The following CAMKK2 variants were observed in gnomAD, a reference collection of about 807,000 sequenced individuals.
CAMKK2 encodes the protein calcium/calmodulin-dependent protein kinase kinase 2.
Under a neutral mutation model 67.2 loss-of-function variants are expected in CAMKK2, and 30 were observed. The observed-to-expected ratio is 0.45, with a 90% CI of 0.33 to 0.61. The LOEUF is 0.61. Among genes scored for constraint, CAMKK2 ranks in the 20% least tolerant of loss-of-function variants. The pLI is 0.02. For synonymous variants in CAMKK2, 322 were observed against 326.2 expected (o/e 0.99, Z 0.14); for missense variants, 643 against 802.0 (o/e 0.80, Z 2.39).
At position 121,274,462 on chromosome 12, in the gene CAMKK2, C is replaced by A; in HGVS notation, c.65G>T (p.Gly22Val). 1 of 1,612,838 alleles carries A rather than the reference C, an allele frequency of 6.2e-7. No individual in the cohort carries two copies. The highest frequency in any genetic ancestry group is 1.7e-5 in the Admixed American group (1 of 59,980). ...GCTTTCGCTGCTGCTGCTGCCCCTG[C>A]CCCCCAGCTCATCCTGGGGGGCGGC... ...NRAAPQDELG[G>V]RGSSSSESQK... Residue 22 changes from glycine (G) to valine (V), a missense_variant, in exon 2 of 17, where the codon GGC (glycine) becomes GTC (valine). By Grantham distance (109) the Gly-to-Val change is moderately radical (BLOSUM62 -3). Transcript: ENST00000404169.
chr12:121,280,787 C>T (rs530260490), intron 1 of CAMKK2, among the ~76,000 whole-genome samples: 2 of 152,242 alleles, frequency 1.3e-5, no homozygotes, highest in South Asian at 4.1e-4. Context: ...GAAATTCCCA[C>T]CTGATAAATT....
At chr12:121,255,235 TTTATATATATATAA>T (rs1891705574) in intron 9 of CAMKK2, among the ~76,000 whole-genome samples, 1 of 5,134 alleles carries the variant, frequency 1.9e-4, no homozygotes, top group African/African-American at 8.3e-4. Context: ...TATATATAAT[TTTATATATATATAA>T]TTATATATAT....
At position 121,262,973 on chromosome 12, in the gene CAMKK2, G is replaced by GTTT. The variant is rs150740421; in HGVS notation, c.759+830_759+832dup. On this transcript the variant is annotated intron_variant, in intron 6 of 16. Coordinates refer to ENST00000404169, the MANE Select transcript of CAMKK2 (RefSeq NM_001270485.2). Reference sequence around the variant, plus strand: ...AAGTGCTTTTGGGTCTTCAAAAAAAGTTTTTTTTTTTAGAGACAGAGTTTC... The same window carrying GTTT: ...AAGTGCTTTTGGGTCTTCAAAAAAAGTTTTTTTTTTTTTTAGAGACAGAGTTTC... Among the ~76,000 whole-genome samples the GTTT allele has an allele frequency of 4.9e-3, 724 of 146,424 alleles. 11 individuals are homozygous for GTTT. The South Asian group carries it at 0.051, about 10-fold the overall frequency.
intron 16 of CAMKK2, chr12:121,244,238 C>A: frequency 1.8e-6 from 2 of 1,132,986 alleles, no homozygotes; most frequent in Non-Finnish European, 2.6e-6. Context: ...GGGGGGGCAC[C>A]CATGGGCCCT....
intron 1 of CAMKK2, among the ~76,000 whole-genome samples, chr12:121,277,637 G>C (rs1412589808): frequency 6.6e-6 from 1 of 152,192 alleles, no homozygotes; most frequent in East Asian, 1.9e-4. Context: ...TAAAGGACAA[G>C]TGTTGTAAGA....
chr12:121,287,353 A>G (rs1027723403), intron 1 of CAMKK2, among the ~76,000 whole-genome samples: 2 of 152,148 alleles, frequency 1.3e-5, no homozygotes, highest in Non-Finnish European at 2.9e-5. Context: ...CCTTGCTTCC[A>G]TGTGTCATAA....
At chr12:121,265,716 G>T (rs1054963632) in intron 5 of CAMKK2, among the ~76,000 whole-genome samples, 1 of 152,076 alleles carries the variant, frequency 6.6e-6, no homozygotes, top group Non-Finnish European at 1.5e-5. Flanking sequence ...AAATTAGCCA[G>T]GTGTGGTGGT....
chr12:121,239,772 T>C lies in CAMKK2; in HGVS notation c.*927A>G, dbSNP rs1369860894. On this transcript the variant is annotated 3_prime_UTR_variant, in exon 17 of 17. Transcript: ENST00000404169. ...ATCACATGCCTGAAGCTGTGAAATATATCCTGGAAGCTCTAAATAGTTTCT... is the reference window on the plus strand; with the variant it reads ...ATCACATGCCTGAAGCTGTGAAATACATCCTGGAAGCTCTAAATAGTTTCT... 1 of 152,288 alleles carries C rather than the reference T, an allele frequency of 6.6e-6. No individual in the cohort carries two copies. The highest frequency in any genetic ancestry group is 1.9e-4 in the East Asian group (1 of 5,210). 9.4% of individuals were successfully genotyped at this position (152,288 alleles called of 1,614,324 possible).
intron 10 of CAMKK2, 93 bp from the exon 11 acceptor site, chr12:121,252,807 G>T: frequency 7.7e-7 from 1 of 1,304,826 alleles, no homozygotes; most frequent in Non-Finnish European, 1.1e-6. Flanking sequence ...TTGACTTTCA[G>T]CCCTTGGAGT....
intron 1 of CAMKK2, among the ~76,000 whole-genome samples, chr12:121,282,453 T>C (rs907003671): frequency 8.5e-5 from 13 of 152,124 alleles, no homozygotes; most frequent in African/African-American, 2.9e-4. Flanking sequence ...TTTACAGAGA[T>C]TATGAAGTTA....
rs558033240 is a variant in CAMKK2 at position 121,285,290 on chromosome 12, G to GC, written c.-59-10706dup. 2.3e-4 allele frequency among the ~76,000 whole-genome samples: 35 copies of GC among 152,320 alleles called. No homozygotes were observed. Among genetic ancestry groups the GC allele is most frequent in the African/African-American group, 7.5e-4 (31 of 41,576 alleles). On this transcript the variant is annotated intron_variant, in intron 1 of 16. Coordinates refer to ENST00000404169, the MANE Select transcript of CAMKK2 (RefSeq NM_001270485.2). This position sits in a 1 kb window ranked among gnomAD's most constrained non-coding sequence, Gnocchi z 4.1. ...GGCCAAGGCGGACAGATCACTTGAGGCCAGGAGTTCGAGACCAGCCTAGCC... is the reference window on the plus strand; with the variant it reads ...GGCCAAGGCGGACAGATCACTTGAGGCCCAGGAGTTCGAGACCAGCCTAGCC...
intron 1 of CAMKK2, among the ~76,000 whole-genome samples, chr12:121,286,126 G>A (rs569558252): frequency 3.9e-5 from 6 of 152,204 alleles, no homozygotes; most frequent in African/African-American, 9.6e-5. Flanking sequence ...AAGCTATTTC[G>A]TGATTAGTTT....
intron 1 of CAMKK2, among the ~76,000 whole-genome samples, chr12:121,292,012 C>T (rs750731939): frequency 1.3e-5 from 2 of 151,714 alleles, no homozygotes; most frequent in African/African-American, 2.4e-5. Flanking sequence ...GCCGAGATCA[C>T]GCCACTGCAC....
At chr12:121,284,448 C>T (rs1424097776) in intron 1 of CAMKK2, among the ~76,000 whole-genome samples, 1 of 152,162 alleles carries the variant, frequency 6.6e-6, no homozygotes, top group African/African-American at 2.4e-5. Context: ...CTTCAGCTTC[C>T]CAAGTAGCTG....
At chr12:121,292,219 G>A (rs1185504906) in intron 1 of CAMKK2, among the ~76,000 whole-genome samples, 4 of 151,254 alleles carry the variant, frequency 2.6e-5, no homozygotes, top group African/African-American at 7.3e-5. Flanking sequence ...TCCACCTCCC[G>A]GGTTCAAGCG....
rs1436818043 is a variant in CAMKK2, at chr12:121,255,220, TTATATATATATAATTTTA to T, written c.907+312_907+329del. 1.9e-3 allele frequency among the ~76,000 whole-genome samples: 11 copies of T among 5,850 alleles called. 2 individuals are homozygous for T. Among genetic ancestry groups the T allele is most frequent in the Non-Finnish European group, 1.9e-3 (4 of 2,160 alleles). 3.8% of individuals were successfully genotyped at this position (5,850 alleles called of 152,430 possible). A position where few individuals can be genotyped will look rare whatever the true frequency, so the allele number is the denominator to read the frequency against. ...TATATATATAATTATATATATAATT[TTATATATATATAATTTTA>T]TATATATATAATTATATATATAATT... On this transcript the variant is annotated intron_variant, in intron 9 of 16. Transcript: ENST00000404169.
At chr12:121,288,503 AGAAG>A (rs1899248209) in intron 1 of CAMKK2, among the ~76,000 whole-genome samples, 2 of 152,238 alleles carry the variant, frequency 1.3e-5, no homozygotes. Context: ...TTTCTCTGCC[AGAAG>A]CCTTGAAGGC....
At chr12:121,289,256 A>G (rs1899464350) in intron 1 of CAMKK2, among the ~76,000 whole-genome samples, 1 of 152,208 alleles carries the variant, frequency 6.6e-6, no homozygotes, top group Non-Finnish European at 1.5e-5. Flanking sequence ...ATAATTGAAA[A>G]AAAAAAACTT....
At chr12:121,297,295 CG>C (rs1901473092), upstream of CAMKK2, 2 of 257,524 alleles carry the variant, frequency 7.8e-6, no homozygotes, top group South Asian at 3.9e-5. Context: ...CGCTAGGCGC[CG>C]GGCGGTGGAT....
Sources: gnomAD v4.1 joint callset for allele counts (sites outside exome capture counted in the v4.1 genomes callset) on GRCh38, gnomAD v4.1.1 for gene constraint, Gnocchi (gnomAD v3.1) non-coding constraint, MANE v1.5 for transcripts, NCBI Gene and HGNC (gene_info 2026-07-23, HGNC 2026-07-21) for gene names.